CSNK1G2: variants seen among roughly 807,000 people sequenced by gnomAD.
The protein encoded by CSNK1G2 is casein kinase 1 gamma 2.
Under a neutral mutation model 48.0 loss-of-function variants are expected in CSNK1G2, and 11 were observed. That is an observed-to-expected ratio of 0.23 (90% CI 0.14 to 0.38). CSNK1G2 has a LOEUF of 0.38. Among genes scored for constraint, CSNK1G2 ranks in the 10% least tolerant of loss-of-function variants. The probability of loss-of-function intolerance (pLI) is 1.00; values close to 1 mark genes in which losing one functional copy is unlikely to be tolerated. For synonymous variants in CSNK1G2, 337 were observed against 254.1 expected (o/e 1.33, Z -3.10); for missense variants, 446 against 595.5 (o/e 0.75, Z 2.61).
chr19:1,941,661 C>T (rs2014366747), intron 1 of CSNK1G2, among the ~76,000 whole-genome samples: 1 of 150,376 alleles, frequency 6.6e-6, no homozygotes, highest in South Asian at 2.1e-4. Context: ...CCCCAGCGTC[C>T]CCCACCGCCC....
At position 1,941,217 on chromosome 19, in the gene CSNK1G2, G is replaced by A. The variant is rs1346156690; in HGVS notation, c.-467G>A. ...GCGCGGGCCCCGGAGCGGGCGCGGC[G>A]GAGCGCGGCGAGCCCGGCGCCTCCC... On this transcript the variant is annotated 5_prime_UTR_variant, in exon 1 of 12. Coordinates refer to ENST00000255641, the MANE Select transcript of CSNK1G2 (RefSeq NM_001319.7). The A allele has an allele frequency of 1.4e-5, 2 of 146,176 alleles. No individual in the cohort carries two copies. The highest frequency in any genetic ancestry group is 4.9e-5 in the African/African-American group (2 of 40,778). The allele number at this position is 146,176 out of a possible 1,614,324, so 9.1% of individuals were successfully genotyped here.
chr19:1,969,692 A>C lies in CSNK1G2; in HGVS notation c.-81A>C. 8.7e-7 allele frequency: 1 copy of C among 1,150,342 alleles called. No individual in the cohort carries two copies. Among genetic ancestry groups the C allele is most frequent in the Non-Finnish European group, 1.1e-6 (1 of 900,458 alleles). 71.3% of individuals were successfully genotyped at this position (1,150,342 alleles called of 1,614,324 possible). A position where few individuals can be genotyped will look rare whatever the true frequency, so the allele number is the denominator to read the frequency against. On this transcript the variant is annotated 5_prime_UTR_variant, in exon 2 of 12. Coordinates refer to ENST00000255641, the MANE Select transcript of CSNK1G2 (RefSeq NM_001319.7). The stretch of plus-strand genomic sequence containing the variant: ...CGCAGTGATGTTCTAGCCACAGAGG[A>C]GCCAAGACCTCAGGTTTCCAGAGAC...
At position 1,963,041 on chromosome 19, in the gene CSNK1G2, C is replaced by T. The variant is rs536284072; in HGVS notation, c.-265-6467C>T. The stretch of plus-strand genomic sequence containing the variant: ...CCACGGCGTGGACGCACCTTCAGGA[C>T]GCCAGGCTCAATGAGACACTCCAGG... On this transcript the variant is annotated intron_variant, in intron 1 of 11. Transcript: ENST00000255641. Among the ~76,000 whole-genome samples the T allele has an allele frequency of 2.0e-5, 3 of 152,226 alleles. No individual in the cohort carries two copies. In the South Asian group the frequency reaches 6.2e-4, roughly 32 times the overall value.
At chr19:1,941,545 C>A (rs1190788028) in intron 1 of CSNK1G2, 127 bp downstream of exon 1, 2 of 145,282 alleles carry the variant, frequency 1.4e-5, no homozygotes, top group Non-Finnish European at 3.0e-5. Context: ...CTGCCGACCC[C>A]GTGCTCCGGA....
At chr19:1,962,880 C>A (rs1255397360) in intron 1 of CSNK1G2, among the ~76,000 whole-genome samples, 5 of 152,202 alleles carry the variant, frequency 3.3e-5, no homozygotes, top group Admixed American at 6.5e-5. Flanking sequence ...AGCCCGTGCG[C>A]AGACGCCGCC....
At chr19:1,963,970 C>T (rs1199943676) in intron 1 of CSNK1G2, among the ~76,000 whole-genome samples, 1 of 151,736 alleles carries the variant, frequency 6.6e-6, no homozygotes, top group Non-Finnish European at 1.5e-5. Flanking sequence ...GCACCCGCCA[C>T]CATGCCCAGC....
At chr19:1,958,541 C>T (rs1459239002) in intron 1 of CSNK1G2, among the ~76,000 whole-genome samples, 6 of 135,694 alleles carry the variant, frequency 4.4e-5, no homozygotes, top group African/African-American at 1.1e-4. Flanking sequence ...GTCCCTCCGT[C>T]CCCCCGTCCA....
intron 9 of CSNK1G2, 26 bp from the exon 10 acceptor site, chr19:1,979,726 C>T (rs370371111): frequency 1.2e-6 from 2 of 1,604,042 alleles, no homozygotes; most frequent in African/African-American, 2.7e-5. Context: ...TGCAGCCCAT[C>T]CTGACCCCTG....
chr19:1,975,028 A>G, intron 2 of CSNK1G2: 1 of 978,730 alleles, frequency 1.0e-6, no homozygotes. Flanking sequence ...AGATGCTGCC[A>G]CACCCACCCA....
chr19:1,972,926 CTTTG>C (rs1176733720), intron 2 of CSNK1G2, among the ~76,000 whole-genome samples: 7 of 136,016 alleles, frequency 5.1e-5, no homozygotes, highest in Admixed American at 1.4e-4. Context: ...GCCTCGCCTG[CTTTG>C]TTTTTTTTTT....
intron 1 of CSNK1G2, among the ~76,000 whole-genome samples, chr19:1,966,996 G>A (rs1261954440): frequency 3.9e-5 from 6 of 151,942 alleles, no homozygotes; most frequent in African/African-American, 1.5e-4. Context: ...TCAGTCTCCC[G>A]AGTAGCTGGG....
intron 2 of CSNK1G2, among the ~76,000 whole-genome samples, chr19:1,970,271 A>G (rs1434539438): frequency 6.6e-6 from 1 of 152,234 alleles, no homozygotes; most frequent in African/African-American, 2.4e-5. Flanking sequence ...AATGACTTTC[A>G]TGGCCCATGT....
chr19:1,974,012 C>T (rs564655637), intron 2 of CSNK1G2, among the ~76,000 whole-genome samples: 4 of 152,140 alleles, frequency 2.6e-5, no homozygotes, highest in Non-Finnish European at 2.9e-5. Flanking sequence ...CTCAGCCTCC[C>T]GAGTAGCTGG....
chr19:1,955,609 A>T (rs972903335), intron 1 of CSNK1G2, among the ~76,000 whole-genome samples: 24 of 150,602 alleles, frequency 1.6e-4, no homozygotes, highest in Non-Finnish European at 2.9e-5. Context: ...TGTCAGGCTT[A>T]GGGTGGGTGT....
At chr19:1,941,687 A>C (rs1425426232) in intron 1 of CSNK1G2, among the ~76,000 whole-genome samples, 23 of 138,342 alleles carry the variant, frequency 1.7e-4, no homozygotes, top group Admixed American at 1.5e-3. Flanking sequence ...CGCGCTCAGG[A>C]CCTCCGGACA....
At chr19:1,970,040 C>T (rs1003421378) in intron 2 of CSNK1G2, 81 bp downstream of exon 2, 21 of 1,179,112 alleles carry the variant, frequency 1.8e-5, no homozygotes, top group Admixed American at 3.8e-5. Flanking sequence ...CTGGTGGGGC[C>T]GCCCGGGGTC....
chr19:1,975,368 T>G lies in CSNK1G2; in HGVS notation c.188-2937T>G, dbSNP rs560561987. 5.1e-6 allele frequency: 5 copies of G among 985,468 alleles called. No homozygotes were observed. In the African/African-American group the frequency reaches 8.7e-5, roughly 17 times the overall value. The allele number at this position is 985,468 out of a possible 1,614,324, so 61.0% of individuals were successfully genotyped here. ...CAGTGCTTGGTGGTCAGCACGTGAC[T>G]GACACTTTGCCGGAGAAGGGGACGG... On this transcript the variant is annotated intron_variant, in intron 2 of 11. Coordinates refer to ENST00000255641, the MANE Select transcript of CSNK1G2 (RefSeq NM_001319.7).
chr19:1,947,419 G>A (rs886986805), intron 1 of CSNK1G2, among the ~76,000 whole-genome samples: 7 of 152,248 alleles, frequency 4.6e-5, no homozygotes, highest in African/African-American at 9.6e-5. Context: ...GATGGCAGGC[G>A]TGCGAGGGCT....
chr19:1,950,674 C>T (rs1008515855), intron 1 of CSNK1G2, among the ~76,000 whole-genome samples: 1 of 145,290 alleles, frequency 6.9e-6, no homozygotes, highest in Non-Finnish European at 1.5e-5. Context: ...GCTGGCCCGG[C>T]CTAAATCTGC....
Sources: gnomAD v4.1 joint callset for allele counts (sites outside exome capture counted in the v4.1 genomes callset) on GRCh38, gnomAD v4.1.1 for gene constraint, MANE v1.5 for transcripts, NCBI Gene and HGNC (gene_info 2026-07-23, HGNC 2026-07-21) for gene names.